WWOX: variants seen among roughly 807,000 people sequenced by gnomAD.
WWOX encodes the protein WW domain-containing oxidoreductase.
WWOX carries 69 observed loss-of-function variants against 46.2 expected under a neutral mutation model. That is an observed-to-expected ratio of 1.49 (90% CI 1.23 to 1.82). The LOEUF is 1.82. Among genes scored for constraint, WWOX ranks in the 40% most tolerant of loss-of-function variants. WWOX has a pLI of 0.00. For synonymous variants in WWOX, 359 were observed against 202.6 expected (o/e 1.77, Z -6.56); for missense variants, 919 against 542.6 (o/e 1.69, Z -6.89).
chr16:78,616,471 G>T (rs1289805537), intron 8 of WWOX, among the ~76,000 whole-genome samples: 1 of 151,340 alleles, frequency 6.6e-6, no homozygotes, highest in African/African-American at 2.4e-5. Context: ...CTTTTAAAAG[G>T]GCACTAATGG....
intron 8 of WWOX, among the ~76,000 whole-genome samples, chr16:78,615,824 C>A (rs1255210461): frequency 6.6e-6 from 1 of 151,558 alleles, no homozygotes; most frequent in South Asian, 2.1e-4. Context: ...AGTCTCCGCT[C>A]ACTGTAAGCT....
intron 8 of WWOX, among the ~76,000 whole-genome samples, chr16:79,107,238 G>C (rs560284183): frequency 6.6e-6 from 1 of 151,562 alleles, no homozygotes; most frequent in Non-Finnish European, 1.5e-5. Context: ...ACCGCGCCCA[G>C]CCCAAAATGA....
chr16:78,927,043 G>A (rs555323962), intron 8 of WWOX, among the ~76,000 whole-genome samples: 5 of 152,212 alleles, frequency 3.3e-5, no homozygotes, highest in Admixed American at 2.0e-4. Context: ...CCATCCACCC[G>A]CCTTGGCCTC....
At chr16:78,723,446 C>G (rs1317835634) in intron 8 of WWOX, among the ~76,000 whole-genome samples, 1 of 134,002 alleles carries the variant, frequency 7.5e-6, no homozygotes. Context: ...GAACTGAAGC[C>G]ACAACAGAAG....
rs1396919734 is a variant in WWOX at position 79,045,782 on chromosome 16, T to TTC, written c.1057-165825_1057-165824insCT. On this transcript the variant is annotated intron_variant, in intron 8 of 8. Coordinates refer to ENST00000566780, the MANE Select transcript of WWOX (RefSeq NM_016373.4). ...CTCGTCTTTCCTTTTTTCTTTTCCT[T>TTC]TTTTTTTTTTTTTTTTTTTTTTTTT... 2.9e-3 allele frequency among the ~76,000 whole-genome samples: 19 copies of TTC among 6,652 alleles called. 1 individual carries two copies. Among genetic ancestry groups the TTC allele is most frequent in the African/African-American group, 0.014 (18 of 1,250 alleles). The allele number at this position is 6,652 out of a possible 152,430, so 4.4% of individuals were successfully genotyped here.
chr16:78,178,984 C>A (rs937094666), intron 5 of WWOX, among the ~76,000 whole-genome samples: 1 of 152,022 alleles, frequency 6.6e-6, no homozygotes, highest in African/African-American at 2.4e-5. Context: ...GGCTGTGGAC[C>A]ATTTTGTATC....
chr16:78,213,618 C>T (rs1450664722), intron 5 of WWOX, among the ~76,000 whole-genome samples: 1 of 151,630 alleles, frequency 6.6e-6, no homozygotes, highest in Admixed American at 6.6e-5. Flanking sequence ...TGGAAAAGAA[C>T]TTACAGATTA....
At chr16:78,908,847 C>G (rs2045035477) in intron 8 of WWOX, among the ~76,000 whole-genome samples, 1 of 152,166 alleles carries the variant, frequency 6.6e-6, no homozygotes, top group Admixed American at 6.5e-5. Context: ...ATCTAAAGTA[C>G]TGATGTTCGG....
chr16:78,695,531 G>C (rs1488712467), intron 8 of WWOX, among the ~76,000 whole-genome samples: 1 of 152,200 alleles, frequency 6.6e-6, no homozygotes, highest in Non-Finnish European at 1.5e-5. Flanking sequence ...GTAGCATGCA[G>C]ATCCCACCTG....
At chr16:78,862,002 T>G (rs1410559077) in intron 8 of WWOX, among the ~76,000 whole-genome samples, 1 of 152,192 alleles carries the variant, frequency 6.6e-6, no homozygotes, top group East Asian at 1.9e-4. Context: ...ACTATATGTG[T>G]GTGTGTATCT....
At chr16:78,326,838 C>T (rs780727926) in intron 5 of WWOX, among the ~76,000 whole-genome samples, 3 of 152,038 alleles carry the variant, frequency 2.0e-5, no homozygotes, top group Non-Finnish European at 4.4e-5. Flanking sequence ...ATGTGTTTCT[C>T]CAGTAAAGCT....
At chr16:78,290,746 A>C (rs922957054) in intron 5 of WWOX, among the ~76,000 whole-genome samples, 1 of 152,178 alleles carries the variant, frequency 6.6e-6, no homozygotes, top group Admixed American at 6.5e-5. Flanking sequence ...AGTATGGTAA[A>C]AGGAATAGCT....
chr16:78,473,198 C>T (rs191495874), intron 8 of WWOX, among the ~76,000 whole-genome samples: 3 of 152,180 alleles, frequency 2.0e-5, no homozygotes, highest in African/African-American at 7.2e-5. Flanking sequence ...GGTGCGTTCT[C>T]TGCTCACTGC....
chr16:78,203,317 A>C (rs772660883), intron 5 of WWOX, among the ~76,000 whole-genome samples: 22 of 152,184 alleles, frequency 1.4e-4, no homozygotes, highest in Non-Finnish European at 2.8e-4. Flanking sequence ...GGGAAACTGC[A>C]GCACTGGTTC....
chr16:78,897,756 T>C (rs912844668), intron 8 of WWOX: 1 of 149,588 alleles, frequency 6.7e-6, no homozygotes, highest in Non-Finnish European at 1.5e-5. Context: ...AACAGTTGTC[T>C]AAAGTAATTG....
intron 8 of WWOX, among the ~76,000 whole-genome samples, chr16:78,844,853 G>T (rs764546361): frequency 1.3e-5 from 2 of 152,188 alleles, no homozygotes; most frequent in African/African-American, 2.4e-5. Context: ...CAGTGACCTT[G>T]CTCTAGCTCA....
In WWOX at chr16:78,326,585, C is replaced by A. The variant is rs866995766; in HGVS notation, c.517-60275C>A. The stretch of plus-strand genomic sequence containing the variant: ...CTGCCTGCCCTCCCCCCGCCCCCCC[C>A]CCCCGCAATGCCTCAATCTGTGGCA... On this transcript the variant is annotated intron_variant, in intron 5 of 8. Transcript: ENST00000566780. 5.8e-5 allele frequency among the ~76,000 whole-genome samples: 6 copies of A among 103,508 alleles called. 1 individual carries two copies. The highest frequency in any genetic ancestry group is 6.7e-4 in the East Asian group (2 of 2,992). The allele number at this position is 103,508 out of a possible 152,430, so 67.9% of individuals were successfully genotyped here. A position where few individuals can be genotyped will look rare whatever the true frequency, so the allele number is the denominator to read the frequency against.
chr16:78,399,418 G>A (rs76903619), intron 6 of WWOX, among the ~76,000 whole-genome samples: 1 of 152,140 alleles, frequency 6.6e-6, no homozygotes, highest in African/African-American at 2.4e-5. Context: ...TTCTTACAAG[G>A]AATCTATGAA....
intron 8 of WWOX, among the ~76,000 whole-genome samples, chr16:78,837,998 T>G (rs978962990): frequency 6.6e-6 from 1 of 152,154 alleles, no homozygotes; most frequent in African/African-American, 2.4e-5. Context: ...CCAAAGGTCT[T>G]TGCACCTCCC....
Sources: gnomAD v4.1 joint callset for allele counts (sites outside exome capture counted in the v4.1 genomes callset) on GRCh38, gnomAD v4.1.1 for gene constraint, MANE v1.5 for transcripts, NCBI Gene and HGNC (gene_info 2026-07-23, HGNC 2026-07-21) for gene names.